The following GRIA2 variants were observed in gnomAD, a reference collection of about 807,000 sequenced individuals.
GRIA2 encodes glutamate receptor 2.
Under a neutral mutation model 97.3 loss-of-function variants are expected in GRIA2, and 14 were observed. The ratio of observed to expected loss-of-function variants is 0.14; its 90% CI spans 0.10 to 0.23. The LOEUF (loss-of-function observed/expected upper bound fraction) is 0.23. Ranked by LOEUF, GRIA2 falls within the 10% of genes least tolerant of loss-of-function variation. The probability of loss-of-function intolerance (pLI) is 1.00; values close to 1 mark genes in which losing one functional copy is unlikely to be tolerated. For synonymous variants in GRIA2, 412 were observed against 387.8 expected, an observed-to-expected ratio of 1.06 and a Z score of -0.73; for missense variants, 558 against 1,069.8, an observed-to-expected ratio of 0.52 and a Z score of 6.67.
chr4:157,256,984 G>A (rs966656281), intron 2 of GRIA2, among the ~76,000 whole-genome samples: 1 of 151,920 alleles, frequency 6.6e-6, no homozygotes, highest in African/African-American at 2.4e-5. Context: ...TATTTGGAAA[G>A]CATTATTTTT....
At chr4:157,323,058 G>C (rs918613085) in intron 6 of GRIA2, among the ~76,000 whole-genome samples, 1 of 151,930 alleles carries the variant, frequency 6.6e-6, no homozygotes, top group Non-Finnish European at 1.5e-5. Context: ...ATTTGTGGCC[G>C]GGCGCAGTGG....
intron 12 of GRIA2, among the ~76,000 whole-genome samples, chr4:157,357,200 C>A (rs907553128): frequency 1.3e-5 from 2 of 152,076 alleles, no homozygotes; most frequent in Non-Finnish European, 2.9e-5. Context: ...GTAAGAATGT[C>A]ATCAGATTCC....
At position 157,363,601 on chromosome 4, in the gene GRIA2, T is replaced by A; in HGVS notation, c.*170T>A. The A allele has an allele frequency of 8.1e-7, 1 of 1,231,632 alleles. No individual in the cohort carries two copies. The highest frequency in any genetic ancestry group is 1.0e-6 in the Non-Finnish European group (1 of 985,834). 76.3% of individuals were successfully genotyped at this position (1,231,632 alleles called of 1,614,324 possible). On this transcript the variant is annotated 3_prime_UTR_variant, in exon 16 of 16. Coordinates refer to ENST00000264426, the MANE Select transcript of GRIA2 (RefSeq NM_001083619.3). ...GTCAGTGTGACTGATCTCTCGTGAT[T>A]GATAAGAACCTTTTGAGTGCCTTAC...
intron 6 of GRIA2, among the ~76,000 whole-genome samples, chr4:157,324,653 A>G (rs953775785): frequency 4.6e-5 from 7 of 152,160 alleles, no homozygotes; most frequent in African/African-American, 1.7e-4. Context: ...ATTTGTTGCT[A>G]CTGCAAAAAT....
chr4:157,259,336 G>T (rs914050752), intron 2 of GRIA2, among the ~76,000 whole-genome samples: 3 of 152,064 alleles, frequency 2.0e-5, no homozygotes, highest in Non-Finnish European at 2.9e-5. Flanking sequence ...TACTGGGATT[G>T]GGGAGACGTC....
intron 2 of GRIA2, among the ~76,000 whole-genome samples, chr4:157,237,257 G>A (rs1730293949): frequency 6.7e-6 from 1 of 149,884 alleles, no homozygotes; most frequent in African/African-American, 2.5e-5. Flanking sequence ...ATATAAACAT[G>A]AATTTTTACT....
At chr4:157,235,865 A>G (rs1730221370) in intron 2 of GRIA2, among the ~76,000 whole-genome samples, 1 of 152,062 alleles carries the variant, frequency 6.6e-6, no homozygotes, top group African/African-American at 2.4e-5. Context: ...ATACTATTTT[A>G]GGTTGTTACT....
chr4:157,360,166 A>G, intron 13 of GRIA2, 23 bp downstream of exon 13: 2 of 1,609,248 alleles, frequency 1.2e-6, no homozygotes, highest in Non-Finnish European at 8.5e-7. Flanking sequence ...GTATAACAAT[A>G]TGCTAAATGT....
upstream of GRIA2, chr4:157,220,683 CGT>C (rs1729448646): frequency 7.2e-6 from 2 of 278,408 alleles, no homozygotes; most frequent in African/African-American, 4.4e-5. Flanking sequence ...TGCGCGCGCG[CGT>C]GAGTGAGAGA....
At chr4:157,303,898 C>A in intron 3 of GRIA2, 107 bp downstream of exon 3, 2 of 1,163,218 alleles carry the variant, frequency 1.7e-6, no homozygotes, top group Non-Finnish European at 2.5e-6. Flanking sequence ...GCCCAAGGAT[C>A]CCTTGGTTTA....
intron 2 of GRIA2, among the ~76,000 whole-genome samples, chr4:157,260,285 T>C (rs1198488323): frequency 1.3e-5 from 2 of 152,126 alleles, no homozygotes; most frequent in Non-Finnish European, 2.9e-5. Flanking sequence ...CTTGAATTCA[T>C]ACTGTTAATT....
chr4:157,324,396 G>A (rs1242633433), intron 6 of GRIA2, among the ~76,000 whole-genome samples: 2 of 152,156 alleles, frequency 1.3e-5, no homozygotes, highest in Non-Finnish European at 2.9e-5. Flanking sequence ...TGAGAATCCA[G>A]CCTAAAGAAG....
chr4:157,222,900 C>G (rs1455738257), intron 2 of GRIA2, among the ~76,000 whole-genome samples: 1 of 152,200 alleles, frequency 6.6e-6, no homozygotes, highest in East Asian at 1.9e-4. Flanking sequence ...CAGGCAGTCG[C>G]GGCCACTGTG....
intron 11 of GRIA2, among the ~76,000 whole-genome samples, chr4:157,340,466 T>C (rs1735497628): frequency 6.6e-6 from 1 of 151,956 alleles, no homozygotes; most frequent in African/African-American, 2.4e-5. Context: ...TTAAAAACTA[T>C]TTTATGTAAG....
chr4:157,324,711 C>A (rs945216712), intron 6 of GRIA2, among the ~76,000 whole-genome samples: 1 of 152,008 alleles, frequency 6.6e-6, no homozygotes, highest in Non-Finnish European at 1.5e-5. Flanking sequence ...ATGGAAGTTG[C>A]AAGAGGTAAG....
At chr4:157,232,846 A>G (rs1169663726) in intron 2 of GRIA2, among the ~76,000 whole-genome samples, 1 of 152,168 alleles carries the variant, frequency 6.6e-6, no homozygotes, top group Non-Finnish European at 1.5e-5. Flanking sequence ...CTGCACTTAG[A>G]ACCAAATTCT....
chr4:157,352,447 G>C (rs965363684), intron 12 of GRIA2, among the ~76,000 whole-genome samples: 1 of 152,080 alleles, frequency 6.6e-6, no homozygotes, highest in African/African-American at 2.4e-5. Flanking sequence ...ACCAGGCACG[G>C]TGGCTCATGC....
At chr4:157,241,626 T>C (rs941398367) in intron 2 of GRIA2, among the ~76,000 whole-genome samples, 2 of 152,120 alleles carry the variant, frequency 1.3e-5, no homozygotes, top group Admixed American at 1.3e-4. Flanking sequence ...ACTAATATAA[T>C]GCAGTTAAAA....
chr4:157,321,575 T>C lies in GRIA2; in HGVS notation c.858T>C (p.Pro286=). The C allele has an allele frequency of 1.2e-6, 2 of 1,610,648 alleles. No individual in the cohort carries two copies. Among genetic ancestry groups the C allele is most frequent in the Non-Finnish European group, 1.7e-6 (2 of 1,177,648 alleles). The stretch of plus-strand genomic sequence containing the variant: ...CAACACTGGAAGAAAAAGAATACCC[T>C]GGAGCTCACACAACAACAATTAAGG... ...RWSTLEEKEY[P]GAHTTTIKYT... is the part of the protein sequence containing the mutation. The change falls in exon 6 of 16, where the codon CCT becomes CCC. Residue 286 remains proline, a synonymous_variant. Coordinates refer to ENST00000264426, the MANE Select transcript of GRIA2 (RefSeq NM_001083619.3).
Sources: gnomAD v4.1 joint callset for allele counts (sites outside exome capture counted in the v4.1 genomes callset) on GRCh38, gnomAD v4.1.1 for gene constraint, MANE v1.5 for transcripts, NCBI Gene and HGNC (gene_info 2026-07-23, HGNC 2026-07-21) for gene names.